Variants in LRCH3 observed in about 807,000 individuals in gnomAD.
LRCH3 encodes DISP complex protein LRCH3.
LRCH3 carries 68 observed loss-of-function variants against 104.5 expected under a neutral mutation model. The observed-to-expected ratio is 0.65, with a 90% CI of 0.54 to 0.80. The LOEUF (loss-of-function observed/expected upper bound fraction) is 0.80. LRCH3 is among the 30% of genes least tolerant of loss of function. LRCH3 has a pLI of 0.00. For synonymous variants in LRCH3, 344 were observed against 361.3 expected (o/e 0.95, Z 0.54); for missense variants, 951 against 953.9 (o/e 1.00, Z 0.04).
At chr3:197,880,610 C>T in intron 20 of LRCH3, 1 of 1,536,676 alleles carries the variant, frequency 6.5e-7, no homozygotes, top group East Asian at 2.4e-5. Flanking sequence ...CAGAAGAATC[C>T]AGTTTTGTCT....
chr3:197,813,601 G>T (rs1466625556), intron 1 of LRCH3, among the ~76,000 whole-genome samples: 5 of 125,778 alleles, frequency 4.0e-5, no homozygotes, highest in Non-Finnish European at 6.2e-5. Flanking sequence ...CTCCATCTCT[G>T]CTCACTGCAA....
At chr3:197,812,164 G>A (rs1290172856) in intron 1 of LRCH3, among the ~76,000 whole-genome samples, 6 of 152,110 alleles carry the variant, frequency 3.9e-5, no homozygotes, top group Admixed American at 2.0e-4. Context: ...CACTGTATGC[G>A]TTAAACACTA....
Position 197,888,376 on chromosome 3 carries a change from T to A in LRCH3, c.*4710T>A, listed in dbSNP as rs1355921146. 1 of 152,248 alleles carries A rather than the reference T, an allele frequency of 6.6e-6. No individual in the cohort carries two copies. Among genetic ancestry groups the A allele is most frequent in the Admixed American group, 6.5e-5 (1 of 15,290 alleles). The allele number at this position is 152,248 out of a possible 1,614,324, so 9.4% of individuals were successfully genotyped here. On this transcript the variant is annotated 3_prime_UTR_variant, in exon 21 of 21. Coordinates refer to ENST00000425562, the MANE Select transcript of LRCH3 (RefSeq NM_001365715.1). Reference sequence around the variant, plus strand: ...CATGTATGTTATTTTAAATTGCCTGTACGCCACTTTACACATTGACATTCA... The same window carrying A: ...CATGTATGTTATTTTAAATTGCCTGAACGCCACTTTACACATTGACATTCA...
intron 1 of LRCH3, among the ~76,000 whole-genome samples, chr3:197,796,054 G>T (rs1302935375): frequency 6.6e-6 from 1 of 152,120 alleles, no homozygotes; most frequent in Non-Finnish European, 1.5e-5. Context: ...TGATATTGTG[G>T]TGAGACAAAT....
At chr3:197,836,239 C>T (rs1736777406) in intron 9 of LRCH3, among the ~76,000 whole-genome samples, 1 of 152,234 alleles carries the variant, frequency 6.6e-6, no homozygotes, top group Non-Finnish European at 1.5e-5. Flanking sequence ...AACATGCAGA[C>T]TTAACCATAG....
intron 1 of LRCH3, among the ~76,000 whole-genome samples, chr3:197,799,063 T>C (rs1222894879): frequency 2.6e-5 from 4 of 152,150 alleles, no homozygotes; most frequent in Non-Finnish European, 5.9e-5. Flanking sequence ...ATGGTTTCTT[T>C]AGGGGAGGTG....
intron 15 of LRCH3, among the ~76,000 whole-genome samples, chr3:197,861,220 TC>T (rs1740844168): frequency 6.6e-6 from 1 of 152,186 alleles, no homozygotes; most frequent in Admixed American, 6.5e-5. Flanking sequence ...CCTGGATGCC[TC>T]CTGAAAAAAC....
intron 4 of LRCH3, among the ~76,000 whole-genome samples, chr3:197,820,974 G>C (rs188097070): frequency 7.5e-6 from 1 of 133,102 alleles, no homozygotes; most frequent in East Asian, 2.4e-4. Context: ...CAATGAAAAG[G>C]TTTGATAACT....
rs181827728 is a variant in LRCH3, at chr3:197,795,984, C to T, written c.262+4444C>T. Among the ~76,000 whole-genome samples, 365 of 152,184 alleles carry T rather than the reference C, an allele frequency of 2.4e-3. 2 individuals carry two copies. The highest frequency in any genetic ancestry group is 8.1e-3 in the African/African-American group (336 of 41,516). On this transcript the variant is annotated intron_variant, in intron 1 of 20. Coordinates refer to ENST00000425562, the MANE Select transcript of LRCH3 (RefSeq NM_001365715.1). Reference sequence around the variant, plus strand: ...GGGATTACAGGTGTGACCCACCGCACCCGGCCAGAATTTTTTGATGATAAA... The same window carrying T: ...GGGATTACAGGTGTGACCCACCGCATCCGGCCAGAATTTTTTGATGATAAA...
chr3:197,876,203 C>G (rs1411097196), intron 20 of LRCH3: 2 of 152,976 alleles, frequency 1.3e-5, no homozygotes, highest in Non-Finnish European at 2.9e-5. Flanking sequence ...TTGTATACTT[C>G]AGTCAATTTC....
chr3:197,854,494 T>C lies in LRCH3; in HGVS notation c.1644+49T>C, dbSNP rs755212181. 4.5e-6 allele frequency: 7 copies of C among 1,539,712 alleles called. No individual in the cohort carries two copies. In the Middle Eastern group the frequency reaches 5.0e-4, roughly 111 times the overall value. On this transcript the variant is annotated intron_variant, in intron 14 of 20. Coordinates refer to ENST00000425562, the MANE Select transcript of LRCH3 (RefSeq NM_001365715.1). This position sits in a 1 kb window ranked among gnomAD's most constrained non-coding sequence, Gnocchi z 4.5. ...GTTTCGCATTTCTGTGTTTAGAGATTGTACTTTTTATTCAGAAACTATCTA... is the reference window on the plus strand; with the variant it reads ...GTTTCGCATTTCTGTGTTTAGAGATCGTACTTTTTATTCAGAAACTATCTA...
chr3:197,849,790 C>G (rs1739320386), intron 12 of LRCH3, among the ~76,000 whole-genome samples: 2 of 152,098 alleles, frequency 1.3e-5, no homozygotes, highest in African/African-American at 4.8e-5. Context: ...TTGGTTCGTC[C>G]ATTTGACTTG....
rs762356997 is a variant in LRCH3 at position 197,871,425 on chromosome 3, G to A, written c.2093G>A (p.Arg698Gln). The A allele has an allele frequency of 3.1e-6, 5 of 1,613,962 alleles. No homozygotes were observed. Among genetic ancestry groups the A allele is most frequent in the East Asian group, 2.2e-5 (1 of 44,892 alleles). ...CATTTGGCCAATCATGTGCGACCTCGATCTGTCCCAAGCATTCATGTTCCC... is the reference window on the plus strand; with the variant it reads ...CATTTGGCCAATCATGTGCGACCTCAATCTGTCCCAAGCATTCATGTTCCC... ...LCHLANHVRP[R>Q]SVPSIHVPSP... Residue 698 changes from arginine to glutamine, a missense_variant, in exon 19 of 21, where the codon CGA becomes CAA. Transcript: ENST00000425562.
rs921195373 is a variant in LRCH3 at position 197,887,024 on chromosome 3, A to G, written c.*3358A>G. On this transcript the variant is annotated 3_prime_UTR_variant, in exon 21 of 21. Coordinates refer to ENST00000425562, the MANE Select transcript of LRCH3 (RefSeq NM_001365715.1). ...AGATTTGTATTTGAATTGTTAGGAA[A>G]AACCATGTGCAGTTTTGGCTGATAA... The G allele has an allele frequency of 6.6e-6, 1 of 152,194 alleles. No homozygotes were observed. Among genetic ancestry groups the G allele is most frequent in the Non-Finnish European group, 1.5e-5 (1 of 68,042 alleles). The allele number at this position is 152,194 out of a possible 1,614,324, so 9.4% of individuals were successfully genotyped here. A position where few individuals can be genotyped will look rare whatever the true frequency, so the allele number is the denominator to read the frequency against.
chr3:197,812,504 GTTT>G lies in LRCH3; in HGVS notation c.263-2380_263-2378del, dbSNP rs71623380. On this transcript the variant is annotated intron_variant, in intron 1 of 20. Coordinates refer to ENST00000425562, the MANE Select transcript of LRCH3 (RefSeq NM_001365715.1). ...ATATCTGTTCAAGTCTCTGCTTTCA[GTTT>G]TTTTTTTTTTTTTTTTTTTTTTTAG... is the stretch of plus-strand genomic sequence containing the variant. 7.8e-4 allele frequency among the ~76,000 whole-genome samples: 38 copies of G among 48,976 alleles called. 2 individuals are homozygous for G. Among genetic ancestry groups the G allele is most frequent in the East Asian group, 2.1e-3 (3 of 1,436 alleles). The allele number at this position is 48,976 out of a possible 152,430, so 32.1% of individuals were successfully genotyped here. A position where few individuals can be genotyped will look rare whatever the true frequency, so the allele number is the denominator to read the frequency against.
At chr3:197,834,199 T>C (rs1171176441) in intron 8 of LRCH3, among the ~76,000 whole-genome samples, 1 of 152,180 alleles carries the variant, frequency 6.6e-6, no homozygotes, top group Admixed American at 6.5e-5. Context: ...TTTTTTCTAG[T>C]GTGCCATTTT....
intron 4 of LRCH3, among the ~76,000 whole-genome samples, chr3:197,824,658 C>G (rs949377413): frequency 6.6e-6 from 1 of 150,632 alleles, no homozygotes; most frequent in Non-Finnish European, 1.5e-5. Flanking sequence ...CCTCTGCCCC[C>G]CCGTCCCGGG....
At chr3:197,821,023 T>C (rs1476265649) in intron 4 of LRCH3, among the ~76,000 whole-genome samples, 1 of 152,178 alleles carries the variant, frequency 6.6e-6, no homozygotes, top group Non-Finnish European at 1.5e-5. Flanking sequence ...TGTCAACCGA[T>C]GTAATTAATA....
intron 1 of LRCH3, among the ~76,000 whole-genome samples, chr3:197,792,240 T>G (rs939538332): frequency 4.0e-5 from 6 of 151,774 alleles, no homozygotes; most frequent in South Asian, 2.1e-4. Flanking sequence ...CGACTCCCAT[T>G]AGTTTCCTCT....
Sources: allele counts gnomAD v4.1 joint callset (sites outside exome capture counted in the v4.1 genomes callset), GRCh38; gene constraint gnomAD v4.1.1; non-coding constraint Gnocchi (gnomAD v3.1); transcripts MANE v1.5; gene names NCBI Gene and HGNC (gene_info 2026-07-23, HGNC 2026-07-21).